The following CYP7B1 variants were observed in gnomAD, a reference collection of about 807,000 sequenced individuals.
CYP7B1 encodes the protein cytochrome P450 7B1.
CYP7B1 carries 29 observed loss-of-function variants against 42.7 expected under a neutral mutation model. The ratio of observed to expected loss-of-function variants is 0.68; its 90% confidence interval spans 0.51 to 0.93. The LOEUF (loss-of-function observed/expected upper bound fraction) is 0.93. Ranked by LOEUF, CYP7B1 falls within the 40% of genes least tolerant of loss-of-function variation. The pLI, the probability that CYP7B1 is intolerant of heterozygous loss-of-function variation, is 0.00. For missense variants in CYP7B1, 655 were observed against 600.5 expected (o/e 1.09, Z -0.95); for synonymous variants, 235 against 218.2 (o/e 1.08, Z -0.68).
chr8:64,733,854 CA>C (rs1807448913), intron 1 of CYP7B1, among the ~76,000 whole-genome samples: 1 of 151,948 alleles, frequency 6.6e-6, no homozygotes, highest in South Asian at 2.1e-4. Context: ...CCTACAGTCC[CA>C]GCTATTTTGG....
At chr8:64,797,149 G>C (rs1305728932) in intron 1 of CYP7B1, among the ~76,000 whole-genome samples, 5 of 152,182 alleles carry the variant, frequency 3.3e-5, no homozygotes, top group Non-Finnish European at 7.3e-5. Flanking sequence ...AATGCTAGAA[G>C]AGAAAGCCTA....
intron 1 of CYP7B1, among the ~76,000 whole-genome samples, chr8:64,775,414 AAT>A (rs1804307452): frequency 6.6e-6 from 1 of 152,168 alleles, no homozygotes; most frequent in Non-Finnish European, 1.5e-5. Context: ...GGGAACTAAT[AAT>A]GACTATAAAG....
chr8:64,641,062 A>G (rs570984039), intron 1 of CYP7B1, among the ~76,000 whole-genome samples: 1 of 152,304 alleles, frequency 6.6e-6, no homozygotes, highest in South Asian at 2.1e-4. Context: ...TGATTCATAA[A>G]CTATAGTGCA....
chr8:64,780,979 G>A lies in CYP7B1; in HGVS notation c.122+17487C>T, dbSNP rs549535273. Among the ~76,000 whole-genome samples the A allele has an allele frequency of 3.3e-5, 5 of 152,180 alleles. No homozygotes were observed. In the East Asian group the frequency reaches 5.8e-4, roughly 18 times the overall value. ...TCAATGTCTGACTTATTTTCAAAACGATTTTTAAAATTCATGGAGTTGCTA... is the reference window on the plus strand; with the variant it reads ...TCAATGTCTGACTTATTTTCAAAACAATTTTTAAAATTCATGGAGTTGCTA... On this transcript the variant is annotated intron_variant, in intron 1 of 5. Transcript: ENST00000310193.
chr8:64,782,940 T>C (rs1804454233), intron 1 of CYP7B1, among the ~76,000 whole-genome samples: 1 of 152,188 alleles, frequency 6.6e-6, no homozygotes, highest in Admixed American at 6.5e-5. Context: ...CAGAAATCTG[T>C]CTCAAATGGT....
intron 1 of CYP7B1, among the ~76,000 whole-genome samples, chr8:64,677,139 C>T (rs952329645): frequency 1.1e-4 from 16 of 152,048 alleles, no homozygotes; most frequent in African/African-American, 3.4e-4. Context: ...AATAGTCATA[C>T]AATATTTTGA....
rs759761465 is a variant in CYP7B1 at position 64,596,685 on chromosome 8, T to C, written c.1478A>G (p.Tyr493Cys). 1.1e-5 allele frequency: 18 copies of C among 1,613,520 alleles called. No individual in the cohort carries two copies. The highest frequency in any genetic ancestry group is 2.2e-5 in the South Asian group (2 of 90,962). The change falls in exon 6 of 6, where the codon TAT (tyrosine) becomes TGT (cysteine). Residue 493 changes from tyrosine (Y) to cysteine (C), a missense_variant. Tyr to Cys is a radical substitution (Grantham distance 194). Coordinates refer to ENST00000310193, the MANE Select transcript of CYP7B1 (RefSeq NM_004820.5). ...TCTAAATAAAACATCAGAATCTGGA[T>C]ACTGAATACCAAACAACAAGCGGCT... Reference protein sequence around the residue: ...NYSRLLFGIQYPDSDVLFRYK... With the variant: ...NYSRLLFGIQCPDSDVLFRYK...
At chr8:64,761,105 A>G (rs1807883135) in intron 1 of CYP7B1, among the ~76,000 whole-genome samples, 1 of 152,178 alleles carries the variant, frequency 6.6e-6, no homozygotes, top group Non-Finnish European at 1.5e-5. Context: ...CAAGCATTAG[A>G]TGATATCACT....
intron 1 of CYP7B1, among the ~76,000 whole-genome samples, chr8:64,682,760 G>A (rs567222180): frequency 2.2e-4 from 33 of 152,272 alleles, no homozygotes; most frequent in African/African-American, 6.5e-4. Flanking sequence ...CTGGAGACAC[G>A]TCAGCTCGTA....
At position 64,595,396 on chromosome 8, in the gene CYP7B1, G is replaced by A. The variant is rs886285286; in HGVS notation, c.*1246C>T. On this transcript the variant is annotated 3_prime_UTR_variant, in exon 6 of 6. Transcript: ENST00000310193. ...TGAAATATTAGAAGTTCCAATTAAC[G>A]AAGCATGAATTAACTGGACTTTATT... 6.6e-6 allele frequency among the ~76,000 whole-genome samples: 1 copy of A among 152,142 alleles called. No homozygotes were observed. The highest frequency in any genetic ancestry group is 2.4e-5 in the African/African-American group (1 of 41,430).
At chr8:64,776,523 T>A (rs2129658711) in intron 1 of CYP7B1, among the ~76,000 whole-genome samples, 1 of 152,228 alleles carries the variant, frequency 6.6e-6, no homozygotes, top group East Asian at 1.9e-4. Context: ...TCTTGCCCTA[T>A]CATATAAACA....
At chr8:64,660,219 G>A (rs1444902045) in intron 1 of CYP7B1, among the ~76,000 whole-genome samples, 2 of 152,140 alleles carry the variant, frequency 1.3e-5, no homozygotes, top group Non-Finnish European at 2.9e-5. Context: ...AAAACATGGT[G>A]CAGGCAGGGT....
downstream of CYP7B1, among the ~76,000 whole-genome samples, chr8:64,586,599 C>A (rs558332066): frequency 1.1e-4 from 16 of 152,152 alleles, no homozygotes; most frequent in Non-Finnish European, 2.2e-4. Context: ...TTAGTCAAAC[C>A]TTTAATGAAA....
At chr8:64,787,777 C>T (rs1804552070) in intron 1 of CYP7B1, among the ~76,000 whole-genome samples, 1 of 152,168 alleles carries the variant, frequency 6.6e-6, no homozygotes, top group Non-Finnish European at 1.5e-5. Context: ...GCTATTAAGA[C>T]ATACCCAAGA....
At chr8:64,783,683 T>C (rs1804471064) in intron 1 of CYP7B1, among the ~76,000 whole-genome samples, 1 of 152,096 alleles carries the variant, frequency 6.6e-6, no homozygotes, top group Non-Finnish European at 1.5e-5. Flanking sequence ...GAGCTTTACC[T>C]CATGTCCTCA....
chr8:64,698,338 G>T (rs568600613), intron 1 of CYP7B1, among the ~76,000 whole-genome samples: 13 of 152,018 alleles, frequency 8.6e-5, no homozygotes, highest in African/African-American at 2.9e-4. Context: ...CAGCAGGGGG[G>T]GGAAAAAAAC....
At chr8:64,752,170 C>T (rs1807735697) in intron 1 of CYP7B1, among the ~76,000 whole-genome samples, 1 of 149,748 alleles carries the variant, frequency 6.7e-6, no homozygotes, top group African/African-American at 2.5e-5. Flanking sequence ...TGTATGTACT[C>T]CAGAAAAAAA....
chr8:64,668,142 A>G (rs1806310440), intron 1 of CYP7B1, among the ~76,000 whole-genome samples: 1 of 152,194 alleles, frequency 6.6e-6, no homozygotes, highest in South Asian at 2.1e-4. Context: ...TGATGAATAC[A>G]TGACATGCCA....
At chr8:64,761,564 T>C (rs1256008754) in intron 1 of CYP7B1, among the ~76,000 whole-genome samples, 2 of 152,092 alleles carry the variant, frequency 1.3e-5, no homozygotes, top group Admixed American at 1.3e-4. Context: ...AATGTATATA[T>C]ATGTAAGTAC....
Sources: allele counts gnomAD v4.1 joint callset (sites outside exome capture counted in the v4.1 genomes callset), GRCh38; gene constraint gnomAD v4.1.1; transcripts MANE v1.5; gene names NCBI Gene and HGNC (gene_info 2026-07-23, HGNC 2026-07-21).